ADGRE2: variants seen among roughly 807,000 people sequenced by gnomAD.
ADGRE2 encodes the protein adhesion G protein-coupled receptor E2.
Under a neutral mutation model 100.8 loss-of-function variants are expected in ADGRE2, and 83 were observed. The ratio of observed to expected loss-of-function variants is 0.82; its 90% CI spans 0.69 to 0.99. The LOEUF (loss-of-function observed/expected upper bound fraction) is 0.99. Ranked by LOEUF, ADGRE2 falls within the 50% of genes least tolerant of loss-of-function variation. The pLI is 0.00. For synonymous variants in ADGRE2, 355 were observed against 413.0 expected (o/e 0.86, Z 1.70); for missense variants, 814 against 1,035.7 (o/e 0.79, Z 2.94).
intron 16 of ADGRE2, among the ~76,000 whole-genome samples, chr19:14,749,638 C>T (rs373337713): frequency 0.046 from 2,310 of 50,052 alleles, 16 homozygotes; most frequent in African/African-American, 0.1. Context: ...TTATTTATAG[C>T]TATGTTATGT....
chr19:14,760,625 A>G (rs2147338471), intron 11 of ADGRE2, among the ~76,000 whole-genome samples: 1 of 152,224 alleles, frequency 6.6e-6, no homozygotes, highest in Middle Eastern at 3.4e-3. Flanking sequence ...AAACAAAAAA[A>G]AAAAATTCGA....
At position 14,736,806 on chromosome 19, in the gene ADGRE2, A is replaced by C. The variant is rs60751606; in HGVS notation, c.2464-562T>G. 6.8e-4 allele frequency among the ~76,000 whole-genome samples: 55 copies of C among 80,438 alleles called. 1 individual carries two copies. Among genetic ancestry groups the C allele is most frequent in the East Asian group, 5.0e-3 (12 of 2,422 alleles). 52.8% of individuals were successfully genotyped at this position (80,438 alleles called of 152,430 possible). On this transcript the variant is annotated intron_variant, in intron 20 of 20. Transcript: ENST00000315576. ...TAGAAGTATAGATATTTAGAAATAT[A>C]TAGATATTTAGAAATATATAGATAT...
At chr19:14,745,838 AC>A (rs1275608484) in intron 18 of ADGRE2, among the ~76,000 whole-genome samples, 2 of 152,066 alleles carry the variant, frequency 1.3e-5, no homozygotes, top group Non-Finnish European at 2.9e-5. Flanking sequence ...GTAAGTGACA[AC>A]CTGTGGTATT....
chr19:14,766,066 C>T, intron 7 of ADGRE2, 169 bp downstream of exon 7: 2 of 1,374,740 alleles, frequency 1.5e-6, no homozygotes, highest in Non-Finnish European at 2.0e-6. Flanking sequence ...CTCAGTACCC[C>T]AGCTCCTTCC....
At chr19:14,745,626 G>C (rs949694738) in intron 18 of ADGRE2, among the ~76,000 whole-genome samples, 6 of 151,776 alleles carry the variant, frequency 4.0e-5, no homozygotes, top group African/African-American at 1.5e-4. Flanking sequence ...AGTTTTTGAG[G>C]CAGAGTCTCA....
intron 16 of ADGRE2, among the ~76,000 whole-genome samples, chr19:14,747,377 G>T (rs2043126289): frequency 6.6e-6 from 1 of 152,064 alleles, no homozygotes; most frequent in Non-Finnish European, 1.5e-5. Context: ...GCTCACACCT[G>T]TATTCCCAGT....
chr19:14,752,252 T>C, intron 15 of ADGRE2, 77 bp downstream of exon 15: 2 of 1,561,010 alleles, frequency 1.3e-6, no homozygotes, highest in Non-Finnish European at 1.8e-6. Context: ...TATTAAGGAA[T>C]CAAATGCCGC....
chr19:14,751,413 G>A (rs200792971), intron 16 of ADGRE2, 23 bp downstream of exon 16: 11 of 1,559,320 alleles, frequency 7.1e-6, no homozygotes, highest in African/African-American at 1.4e-5. Flanking sequence ...GAGAAGATAA[G>A]GATTGTGAGA....
At chr19:14,754,115 A>T (rs1282969457) in intron 14 of ADGRE2, among the ~76,000 whole-genome samples, 6 of 150,008 alleles carry the variant, frequency 4.0e-5, no homozygotes, top group Non-Finnish European at 8.9e-5. Flanking sequence ...CTAGCCTCCC[A>T]GCCTACATCT....
rs1457721885 is a variant in ADGRE2, at chr19:14,736,559, C to T, written c.2464-315G>A. Among the ~76,000 whole-genome samples, 12 of 119,472 alleles carry T rather than the reference C, an allele frequency of 1.0e-4. No individual in the cohort carries two copies. The East Asian group carries it at 3.2e-3, about 32-fold the overall frequency. 78.4% of individuals were successfully genotyped at this position (119,472 alleles called of 152,430 possible). On this transcript the variant is annotated intron_variant, in intron 20 of 20. Transcript: ENST00000315576. Reference sequence around the variant, plus strand: ...TACAGGTGTGAGCCACTGAGCTGGCCTGAAATATATATATATTTCTAAATA... The same window carrying T: ...TACAGGTGTGAGCCACTGAGCTGGCTTGAAATATATATATATTTCTAAATA...
chr19:14,729,636 A>G (rs2042655272), downstream of ADGRE2, among the ~76,000 whole-genome samples: 1 of 152,154 alleles, frequency 6.6e-6, no homozygotes, highest in Non-Finnish European at 1.5e-5. Flanking sequence ...TATGGTGTGA[A>G]CCACTGCGCC....
chr19:14,771,269 G>A (rs1458320586), intron 5 of ADGRE2, among the ~76,000 whole-genome samples: 1 of 152,114 alleles, frequency 6.6e-6, no homozygotes, highest in Non-Finnish European at 1.5e-5. Context: ...TGTCCCCTGG[G>A]ACCCTTGGCT....
chr19:14,739,379 G>T (rs146882370), intron 20 of ADGRE2, among the ~76,000 whole-genome samples: 7 of 152,298 alleles, frequency 4.6e-5, no homozygotes, highest in African/African-American at 1.4e-4. Flanking sequence ...TCAGTAGCTG[G>T]TAGAAATATC....
At chr19:14,770,444 C>T (rs988371385) in intron 5 of ADGRE2, among the ~76,000 whole-genome samples, 2 of 152,030 alleles carry the variant, frequency 1.3e-5, no homozygotes, top group Admixed American at 6.6e-5. Context: ...ATGATCCAGC[C>T]TCATGTATTC....
At chr19:14,768,746 A>G (rs1170096575) in intron 5 of ADGRE2, 1 of 152,362 alleles carries the variant, frequency 6.6e-6, no homozygotes, top group Non-Finnish European at 1.5e-5. Flanking sequence ...ACTATCAGGA[A>G]GGGTCAGGGC....
chr19:14,767,847 C>T (rs964233651), intron 5 of ADGRE2, among the ~76,000 whole-genome samples: 7 of 152,200 alleles, frequency 4.6e-5, no homozygotes, highest in African/African-American at 1.7e-4. Flanking sequence ...ATCTCCTCTT[C>T]AAGTAGTCAC....
At chr19:14,740,103 T>TA (rs398120849) in intron 20 of ADGRE2, among the ~76,000 whole-genome samples, 99 of 75,726 alleles carry the variant, frequency 1.3e-3, no homozygotes, top group Admixed American at 3.4e-3. Context: ...AGACTCTGTC[T>TA]AAAAAAAAAA....
chr19:14,760,063 C>T (rs1015589484), intron 11 of ADGRE2, among the ~76,000 whole-genome samples: 2 of 151,884 alleles, frequency 1.3e-5, no homozygotes, highest in Admixed American at 6.6e-5. Context: ...CGTGATCCTC[C>T]CACCTCGGCC....
chr19:14,772,236 A>C, intron 5 of ADGRE2, 106 bp downstream of exon 5: 2 of 1,485,064 alleles, frequency 1.3e-6, no homozygotes, highest in Non-Finnish European at 1.9e-6. Context: ...AGACTCCAGG[A>C]ACTGAACCTA....
Sources: allele counts gnomAD v4.1 joint callset (sites outside exome capture counted in the v4.1 genomes callset), GRCh38; gene constraint gnomAD v4.1.1; transcripts MANE v1.5; gene names NCBI Gene and HGNC (gene_info 2026-07-23, HGNC 2026-07-21).